DLG3: variants seen among roughly 807,000 people sequenced by gnomAD.
DLG3 encodes the protein disks large homolog 3.
A neutral mutation model predicts 64.1 loss-of-function variants in DLG3; 1 was observed. That is an observed-to-expected ratio of 0.02 (90% confidence interval 0.01 to 0.07). DLG3 has a LOEUF of 0.07. DLG3 is among the 10% of genes least tolerant of loss of function. DLG3 has a pLI of 1.00. For missense variants in DLG3, 429 were observed against 669.5 expected, an observed-to-expected ratio of 0.64 and a Z score of 3.96; for synonymous variants, 245 against 259.8, an observed-to-expected ratio of 0.94 and a Z score of 0.55.
rs1456103985 is a variant in DLG3, at chrX:70,445,424, C to G, written c.223C>G (p.Leu75Val). 2 of 1,195,941 alleles carry G rather than the reference C, an allele frequency of 1.7e-6. No individual in the cohort carries two copies. The highest frequency in any genetic ancestry group is 2.3e-6 in the Non-Finnish European group (2 of 887,857). Residue 75 changes from leucine to valine, a missense_variant, in exon 1 of 19, where the codon CTC (leucine) becomes GTC (valine). By Grantham distance (32) the Leu-to-Val change is conservative (BLOSUM62 1). Coordinates refer to ENST00000374360, the MANE Select transcript of DLG3 (RefSeq NM_021120.4). ...ATPTPRTKAK[L>V]IPTGRDVGPV... ...CCCCACCCCTCGCACCAAGGCCAAG[C>G]TCATCCCCACCGGCCGGGATGTGGG...
chrX:70,486,955 C>T (rs779108841), intron 10 of DLG3, among the ~76,000 whole-genome samples: 154 of 111,821 alleles, frequency 1.4e-3, no homozygotes, highest in African/African-American at 4.9e-3. Flanking sequence ...CCAGGGTGTT[C>T]CTAAGACAGA....
intron 9 of DLG3, among the ~76,000 whole-genome samples, chrX:70,471,203 T>C (rs1293036540): frequency 6.3e-5 from 7 of 111,334 alleles, no homozygotes; most frequent in Non-Finnish European, 1.9e-5. Context: ...GCTTATATTT[T>C]AGTAAATGAC....
Position 70,504,783 on chromosome X carries a change from C to T in DLG3, c.*2514C>T, listed in dbSNP as rs944211927. On this transcript the variant is annotated 3_prime_UTR_variant, in exon 19 of 19. Transcript: ENST00000374360. ...GTGACCTGCCAGCTACCAGTGTTTC[C>T]GAAAATGAGGGTGGGATGGGCCCAT... 1 of 112,066 alleles carries T rather than the reference C, an allele frequency of 8.9e-6. No individual in the cohort carries two copies. Among genetic ancestry groups the T allele is most frequent in the African/African-American group, 3.3e-5 (1 of 30,707 alleles). The allele number at this position is 112,066 out of a possible 1,213,427, so 9.2% of individuals were successfully genotyped here. A position where few individuals can be genotyped will look rare whatever the true frequency, so the allele number is the denominator to read the frequency against.
At chrX:70,500,356 CCCCTCCCCTCACCCCCA>C in intron 16 of DLG3, 98 bp from the exon 17 acceptor site, 1 of 618,028 alleles carries the variant, frequency 1.6e-6, no homozygotes, top group Non-Finnish European at 2.7e-6. Context: ...GGCCCTCGTG[CCCCTCCCCTCACCCCCA>C]CCCCCGGCCA....
chrX:70,453,869 C>T, intron 8 of DLG3, 76 bp downstream of exon 8: 1 of 952,367 alleles, frequency 1.1e-6, no homozygotes, highest in South Asian at 2.5e-5. Context: ...CTTACTTCCT[C>T]CGAGGAATGC....
chrX:70,488,014 C>T (rs1454946348), intron 10 of DLG3, among the ~76,000 whole-genome samples: 11 of 108,443 alleles, frequency 1.0e-4, no homozygotes, highest in African/African-American at 3.4e-4. Context: ...GAAGAATTAG[C>T]TTTTTTTTCT....
At chrX:70,473,971 G>T (rs1219949192) in intron 9 of DLG3, among the ~76,000 whole-genome samples, 1 of 112,118 alleles carries the variant, frequency 8.9e-6, no homozygotes, top group African/African-American at 3.2e-5. Flanking sequence ...AGGATGTAAA[G>T]GTTGTTCAGT....
At chrX:70,497,008 G>A (rs1229861225) in intron 13 of DLG3, among the ~76,000 whole-genome samples, 1 of 112,233 alleles carries the variant, frequency 8.9e-6, no homozygotes, top group African/African-American at 3.2e-5. Flanking sequence ...AGGGCCAGGG[G>A]CTCAGGATTG....
intron 9 of DLG3, among the ~76,000 whole-genome samples, chrX:70,478,896 T>C (rs1331386515): frequency 8.9e-6 from 1 of 112,030 alleles, no homozygotes; most frequent in Non-Finnish European, 1.9e-5. Context: ...ATAAGAGCTT[T>C]GTGCATTTGA....
intron 1 of DLG3, 37 bp downstream of exon 1, chrX:70,445,595 C>T (rs1396455459): frequency 6.1e-6 from 7 of 1,141,176 alleles, no homozygotes; most frequent in South Asian, 1.9e-5. Context: ...TGGGGCAACC[C>T]AGGAGGGCTG....
chrX:70,453,425 G>GGGAAGTTGACTGCAAGCCCTCA (rs2086648760), intron 7 of DLG3: 1 of 462,774 alleles, frequency 2.2e-6, no homozygotes, highest in African/African-American at 2.5e-5. Context: ...GCAAGCCCTC[G>GGGAAGTTGACTGCAAGCCCTCA]GGAAGAAGGG....
chrX:70,449,202 A>G (rs771327676), intron 2 of DLG3, among the ~76,000 whole-genome samples, 157 bp from the exon 3 acceptor site: 3 of 111,700 alleles, frequency 2.7e-5, no homozygotes, highest in Admixed American at 9.4e-5. Context: ...CAAAATGATC[A>G]GCAGAGGCTG....
At chrX:70,486,003 C>T (rs1473183230) in intron 10 of DLG3, among the ~76,000 whole-genome samples, 1 of 111,235 alleles carries the variant, frequency 9.0e-6, no homozygotes. Flanking sequence ...AGACAAGCAG[C>T]AGCCTTGAGA....
intron 9 of DLG3, among the ~76,000 whole-genome samples, chrX:70,457,680 TC>T (rs1307942301): frequency 9.2e-6 from 1 of 108,332 alleles, no homozygotes; most frequent in Non-Finnish European, 1.9e-5. Flanking sequence ...CAAGCGATTC[TC>T]CTGCCTCAGC....
At chrX:70,489,762 G>A (rs926385423) in intron 10 of DLG3, among the ~76,000 whole-genome samples, 3 of 112,183 alleles carry the variant, frequency 2.7e-5, no homozygotes, top group African/African-American at 9.7e-5. Flanking sequence ...GTTCTGGGAA[G>A]TGCTAAAATG....
intron 9 of DLG3, among the ~76,000 whole-genome samples, chrX:70,471,449 C>T (rs1366811637): frequency 9.1e-6 from 1 of 109,621 alleles, no homozygotes; most frequent in Non-Finnish European, 1.9e-5. Context: ...CCTGCCTCAG[C>T]CTCCTGAGAA....
At chrX:70,454,131 A>T in intron 8 of DLG3, 83 bp from the exon 9 acceptor site, 1 of 865,604 alleles carries the variant, frequency 1.2e-6, no homozygotes, top group Non-Finnish European at 1.7e-6. Flanking sequence ...GGGGTGGGGT[A>T]CCCATCTCCC....
chrX:70,469,240 T>C (rs1450310633), intron 9 of DLG3, among the ~76,000 whole-genome samples: 1 of 110,802 alleles, frequency 9.0e-6, no homozygotes, highest in African/African-American at 3.3e-5. Flanking sequence ...CTCAAAATCC[T>C]GGCCTCAAGC....
chrX:70,453,062 A>T, intron 7 of DLG3: 1 of 235,254 alleles, frequency 4.3e-6, no homozygotes, highest in Non-Finnish European at 7.6e-6. Context: ...CTAAGAACCC[A>T]GGCGCTGCAA....
Sources: gnomAD v4.1 joint callset for allele counts (sites outside exome capture counted in the v4.1 genomes callset) on GRCh38, gnomAD v4.1.1 for gene constraint, MANE v1.5 for transcripts, NCBI Gene and HGNC (gene_info 2026-07-23, HGNC 2026-07-21) for gene names.